The following ARID1B variants were observed in gnomAD, a reference collection of about 807,000 sequenced individuals.
ARID1B encodes AT-rich interaction domain 1B.
Under a neutral mutation model 212.3 loss-of-function variants are expected in ARID1B, and 30 were observed. That is an observed-to-expected ratio of 0.14 (90% CI 0.11 to 0.19). The LOEUF is 0.19. Ranked by LOEUF, ARID1B falls within the 10% of genes least tolerant of loss-of-function variation. ARID1B has a pLI of 1.00. For synonymous variants in ARID1B, 1,402 were observed against 1,301.7 expected, an observed-to-expected ratio of 1.08 and a Z score of -1.66; for missense variants, 2,891 against 3,204.0, an observed-to-expected ratio of 0.90 and a Z score of 2.36.
At chr6:156,971,275 TAGAC>T (rs941775643) in intron 4 of ARID1B, among the ~76,000 whole-genome samples, 1 of 152,212 alleles carries the variant, frequency 6.6e-6, no homozygotes, top group African/African-American at 2.4e-5. Flanking sequence ...TCCTTATTGA[TAGAC>T]AGATTACATG....
At chr6:156,852,553 A>G (rs1360654297) in intron 2 of ARID1B, among the ~76,000 whole-genome samples, 1 of 152,052 alleles carries the variant, frequency 6.6e-6, no homozygotes, top group African/African-American at 2.4e-5. Flanking sequence ...AACCAGAAGG[A>G]TGTAATTTTT....
chr6:157,113,254 A>G (rs1787064279), intron 6 of ARID1B, among the ~76,000 whole-genome samples: 1 of 152,216 alleles, frequency 6.6e-6, no homozygotes, highest in African/African-American at 2.4e-5. Context: ...AATATAAATT[A>G]TATAAGTTGC....
chr6:156,891,506 T>A (rs1312119365), intron 2 of ARID1B, among the ~76,000 whole-genome samples: 1 of 152,224 alleles, frequency 6.6e-6, no homozygotes. Context: ...AGGAGTGATT[T>A]TGGTATATAT....
intron 6 of ARID1B, among the ~76,000 whole-genome samples, chr6:157,127,004 G>A (rs1394262070): frequency 6.6e-6 from 1 of 152,168 alleles, no homozygotes; most frequent in Admixed American, 6.5e-5. Flanking sequence ...CCATAAATAG[G>A]AAGAAAAGTC....
intron 4 of ARID1B, among the ~76,000 whole-genome samples, chr6:156,985,854 T>TCAG (rs1777884386): frequency 6.6e-6 from 1 of 152,224 alleles, no homozygotes. Context: ...GACTGTGCCC[T>TCAG]GCCTGGCTCA....
chr6:156,858,167 A>T (rs545538504), intron 2 of ARID1B, among the ~76,000 whole-genome samples: 1 of 145,674 alleles, frequency 6.9e-6, no homozygotes, highest in East Asian at 2.0e-4. Context: ...GATGGGAGCT[A>T]AAAAAAAAAA....
intron 7 of ARID1B, among the ~76,000 whole-genome samples, chr6:157,137,044 G>A (rs1788967595): frequency 6.6e-6 from 1 of 152,024 alleles, no homozygotes. Context: ...AGCCAGTTGT[G>A]ATGGCACACA....
intron 2 of ARID1B, among the ~76,000 whole-genome samples, chr6:156,878,480 A>G (rs1786764654): frequency 6.6e-6 from 1 of 152,126 alleles, no homozygotes; most frequent in South Asian, 2.1e-4. Context: ...ACACACCTGA[A>G]ATTGGGTATT....
intron 1 of ARID1B, among the ~76,000 whole-genome samples, chr6:156,793,037 G>C (rs371040901): frequency 8.5e-5 from 13 of 152,288 alleles, no homozygotes; most frequent in African/African-American, 3.1e-4. Context: ...AGTTCGCATG[G>C]CAGGCATAAG....
rs889336959 is a variant in ARID1B, at chr6:157,200,749, G to A, written c.4524G>A (p.Lys1508=). 3 of 1,613,332 alleles carry A rather than the reference G, an allele frequency of 1.9e-6. No individual in the cohort carries two copies. Among genetic ancestry groups the A allele is most frequent in the African/African-American group, 1.3e-5 (1 of 74,912 alleles). The change falls in exon 18 of 20, where the codon AAG becomes AAA. Residue 1508 remains lysine, a synonymous_variant. Transcript: ENST00000636930. The surrounding 1 kb of genome is among the most constrained non-coding windows in gnomAD (Gnocchi z 4.3). ...HMDGMYGPPA[K]RHEGDMYNMQ... The stretch of plus-strand genomic sequence containing the variant: ...ACGGCATGTACGGGCCCCCAGCCAA[G>A]CGCCACGAGGGCGACATGTACAACA...
At chr6:156,795,265 C>T (rs887216279) in intron 1 of ARID1B, among the ~76,000 whole-genome samples, 3 of 152,028 alleles carry the variant, frequency 2.0e-5, no homozygotes, top group South Asian at 2.1e-4. Context: ...ACAGACTGGA[C>T]GGTGTCTCAG....
intron 1 of ARID1B, among the ~76,000 whole-genome samples, chr6:156,805,196 G>A (rs1266849653): frequency 1.3e-5 from 2 of 152,174 alleles, no homozygotes; most frequent in Non-Finnish European, 2.9e-5. Context: ...TAGTTTTTCA[G>A]GGATGTAGTA....
At chr6:157,012,470 T>G (rs919982550) in intron 4 of ARID1B, among the ~76,000 whole-genome samples, 1 of 152,184 alleles carries the variant, frequency 6.6e-6, no homozygotes, top group African/African-American at 2.4e-5. Flanking sequence ...TGATGAGGAT[T>G]AGGGCTACCT....
intron 3 of ARID1B, among the ~76,000 whole-genome samples, chr6:156,915,400 C>G (rs1790266008): frequency 6.6e-6 from 1 of 151,870 alleles, no homozygotes; most frequent in Non-Finnish European, 1.5e-5. Context: ...AACCCTGTCT[C>G]TACTAAAAAT....
intron 5 of ARID1B, among the ~76,000 whole-genome samples, chr6:157,087,959 G>C (rs112826422): frequency 6.7e-4 from 102 of 152,336 alleles, no homozygotes; most frequent in African/African-American, 2.4e-3. Flanking sequence ...CTTAGCCCCT[G>C]CTTCTCTCAG....
At chr6:157,060,854 C>A (rs1783300207) in intron 4 of ARID1B, among the ~76,000 whole-genome samples, 1 of 152,060 alleles carries the variant, frequency 6.6e-6, no homozygotes, top group African/African-American at 2.4e-5. Flanking sequence ...AATTCCTTGT[C>A]CACACCAAGG....
intron 6 of ARID1B, among the ~76,000 whole-genome samples, chr6:157,128,651 G>T (rs1788320021): frequency 6.6e-6 from 1 of 152,184 alleles, no homozygotes; most frequent in Admixed American, 6.5e-5. Context: ...GAGCCATGCA[G>T]CAATTCATCT....
At chr6:157,076,526 A>G (rs1027935202) in intron 4 of ARID1B, among the ~76,000 whole-genome samples, 1 of 122,520 alleles carries the variant, frequency 8.2e-6, no homozygotes, top group African/African-American at 2.6e-5. Context: ...GAAGAAATGA[A>G]TGTCTCCAGA....
chr6:156,897,182 GCTGCTGCTA>G (rs1474279008), intron 2 of ARID1B, among the ~76,000 whole-genome samples: 111 of 144,230 alleles, frequency 7.7e-4, no homozygotes, highest in African/African-American at 1.9e-3. Flanking sequence ...TTCTTCTTTT[GCTGCTGCTA>G]CTGCTGCTGC....
Sources: gnomAD v4.1 joint callset for allele counts (sites outside exome capture counted in the v4.1 genomes callset) on GRCh38, gnomAD v4.1.1 for gene constraint, Gnocchi (gnomAD v3.1) non-coding constraint, MANE v1.5 for transcripts, NCBI Gene and HGNC (gene_info 2026-07-23, HGNC 2026-07-21) for gene names.